ADAMTS17: variants seen among roughly 807,000 people sequenced by gnomAD.
ADAMTS17 encodes A disintegrin and metalloproteinase with thrombospondin motifs 17.
ADAMTS17 carries 113 observed loss-of-function variants against 141.5 expected under a neutral mutation model. The ratio of observed to expected loss-of-function variants is 0.80; its 90% confidence interval spans 0.69 to 0.93. The LOEUF (loss-of-function observed/expected upper bound fraction) is 0.93. Among genes scored for constraint, ADAMTS17 ranks in the 40% least tolerant of loss-of-function variants. The probability of loss-of-function intolerance (pLI) is 0.00; values close to 1 mark genes in which losing one functional copy is unlikely to be tolerated. For synonymous variants in ADAMTS17, 768 were observed against 630.6 expected (o/e 1.22, Z -3.27); for missense variants, 1,659 against 1,517.9 (o/e 1.09, Z -1.54).
intron 15 of ADAMTS17, among the ~76,000 whole-genome samples, chr15:100,062,403 T>C (rs1567109703): frequency 6.6e-6 from 1 of 152,304 alleles, no homozygotes; most frequent in Non-Finnish European, 1.5e-5. Context: ...GAAATGGGCA[T>C]GCCTGCCTTC....
intron 7 of ADAMTS17, among the ~76,000 whole-genome samples, chr15:100,207,891 T>C (rs2041639716): frequency 6.6e-6 from 1 of 152,110 alleles, no homozygotes; most frequent in Admixed American, 6.6e-5. Context: ...TGCAGGAGAC[T>C]CCCTGGAAAT....
At chr15:100,142,192 G>C (rs2038688022) in intron 10 of ADAMTS17, among the ~76,000 whole-genome samples, 1 of 152,200 alleles carries the variant, frequency 6.6e-6, no homozygotes, top group Non-Finnish European at 1.5e-5. Flanking sequence ...AAAATAACTG[G>C]CATCAGAGGA....
intron 4 of ADAMTS17, among the ~76,000 whole-genome samples, chr15:100,264,852 T>C (rs889871688): frequency 6.6e-6 from 1 of 151,918 alleles, no homozygotes; most frequent in African/African-American, 2.4e-5. Context: ...GGGTACAGAG[T>C]TTCCGTTTTG....
chr15:100,302,926 C>T (rs1255686178), intron 3 of ADAMTS17, among the ~76,000 whole-genome samples: 1 of 151,944 alleles, frequency 6.6e-6, no homozygotes, highest in Non-Finnish European at 1.5e-5. Flanking sequence ...ACTGGCCTGG[C>T]CTCCCAGCCT....
intron 4 of ADAMTS17, among the ~76,000 whole-genome samples, chr15:100,264,526 A>G (rs1209671793): frequency 1.3e-5 from 2 of 152,222 alleles, no homozygotes; most frequent in African/African-American, 4.8e-5. Flanking sequence ...AAGGAATACT[A>G]CAGATTTAAA....
intron 10 of ADAMTS17, among the ~76,000 whole-genome samples, chr15:100,136,378 C>T (rs1377786545): frequency 6.6e-6 from 1 of 152,208 alleles, no homozygotes; most frequent in Non-Finnish European, 1.5e-5. Context: ...CTCATCCAAG[C>T]TTGGCCACCA....
At chr15:100,035,438 C>A (rs930014186) in intron 18 of ADAMTS17, among the ~76,000 whole-genome samples, 1 of 152,156 alleles carries the variant, frequency 6.6e-6, no homozygotes, top group Non-Finnish European at 1.5e-5. Flanking sequence ...ATCCTGGCCA[C>A]GACTTTGGTT....
In ADAMTS17 at chr15:100,139,021, T is replaced by G. The variant is rs144206097; in HGVS notation, c.1474-5706A>C. ...GGGGTATTTTGGGCGATGGACCTGT[T>G]TTGCAAATTGATTGGTTATATAACT... On this transcript the variant is annotated intron_variant, in intron 10 of 21. Coordinates refer to ENST00000268070, the MANE Select transcript of ADAMTS17 (RefSeq NM_139057.4). Among the ~76,000 whole-genome samples, 1,277 of 152,286 alleles carry G rather than the reference T, an allele frequency of 8.4e-3. 17 individuals carry two copies. Among genetic ancestry groups the G allele is most frequent in the African/African-American group, 0.029 (1,194 of 41,554 alleles).
rs879493378 is a variant in ADAMTS17, at chr15:100,102,304, CCGACCGAAGGGGATCTACATT to C, written c.2017-5849_2017-5829del. Among the ~76,000 whole-genome samples, 41 of 150,452 alleles carry C rather than the reference CCGACCGAAGGGGATCTACATT, an allele frequency of 2.7e-4. 2 individuals carry two copies. The highest frequency in any genetic ancestry group is 3.4e-3 in the Middle Eastern group (1 of 292). Reference sequence around the variant, plus strand: ...ACCGAAGGAGATCTACATTTGAGGGCCGACCGAAGGGGATCTACATTTGAGGGCCGACCGAAGGGGATCTAC... The same window carrying C: ...ACCGAAGGAGATCTACATTTGAGGGCTGAGGGCCGACCGAAGGGGATCTAC... On this transcript the variant is annotated intron_variant, in intron 14 of 21. Coordinates refer to ENST00000268070, the MANE Select transcript of ADAMTS17 (RefSeq NM_139057.4).
intron 18 of ADAMTS17, among the ~76,000 whole-genome samples, chr15:100,028,965 T>C (rs2029876906): frequency 6.6e-6 from 1 of 152,250 alleles, no homozygotes; most frequent in African/African-American, 2.4e-5. Flanking sequence ...AAAGTTATCT[T>C]TGTCAAACCT....
intron 7 of ADAMTS17, among the ~76,000 whole-genome samples, chr15:100,203,014 A>G (rs1223586897): frequency 1.3e-5 from 2 of 152,220 alleles, no homozygotes; most frequent in African/African-American, 2.4e-5. Context: ...ACATGTTTGC[A>G]TAGTTTCTCG....
Position 100,051,714 on chromosome 15 carries a change from G to T in ADAMTS17, c.2313C>A (p.Asp771Glu), listed in dbSNP as rs548439088. ...ATTCATAATGAATTCCATAATCTTGGTCGTGAAATAACAACACCTGGATCA... is the reference window on the plus strand; with the variant it reads ...ATTCATAATGAATTCCATAATCTTGTTCGTGAAATAACAACACCTGGATCA... ...PLHLMVLLFH[D>E]QDYGIHYEYT... Residue 771 changes from aspartate to glutamate, a missense_variant, in exon 17 of 22, where the codon GAC becomes GAA. Coordinates refer to ENST00000268070, the MANE Select transcript of ADAMTS17 (RefSeq NM_139057.4). 6.2e-7 allele frequency: 1 copy of T among 1,614,174 alleles called. No individual in the cohort carries two copies. The highest frequency in any genetic ancestry group is 1.1e-5 in the South Asian group (1 of 91,082).
At chr15:99,977,262 G>A (rs1484806504) in intron 20 of ADAMTS17, among the ~76,000 whole-genome samples, 1 of 148,378 alleles carries the variant, frequency 6.7e-6, no homozygotes, top group East Asian at 2.0e-4. Context: ...GCTAAAACCT[G>A]GTCAACATAG....
intron 7 of ADAMTS17, among the ~76,000 whole-genome samples, chr15:100,216,456 C>T (rs1385558236): frequency 2.0e-5 from 3 of 152,208 alleles, no homozygotes; most frequent in Non-Finnish European, 4.4e-5. Flanking sequence ...ACTGGGAAAA[C>T]ACCACCTTCA....
Position 99,974,577 on chromosome 15 carries a change from G to A in ADAMTS17, c.3128-15C>T, listed in dbSNP as rs369581271. The stretch of plus-strand genomic sequence containing the variant: ...GGTCAGAGCAGCTAAGGGGATAGGA[G>A]AGAGAATACCCAGGGTCAGGGATGG... On this transcript the variant is annotated splice_polypyrimidine_tract_variant and intron_variant, in intron 21 of 21. Coordinates refer to ENST00000268070, the MANE Select transcript of ADAMTS17 (RefSeq NM_139057.4). 5.6e-5 allele frequency: 91 copies of A among 1,614,202 alleles called. 1 individual carries two copies. In the Middle Eastern group the frequency reaches 6.6e-4, roughly 12 times the overall value.
chr15:100,074,174 G>T (rs1202421447), intron 15 of ADAMTS17: 1 of 153,024 alleles, frequency 6.5e-6, no homozygotes. Context: ...CACATTTGGG[G>T]CGGTGCGGCC....
At chr15:100,188,208 C>T (rs1301112519) in intron 8 of ADAMTS17, among the ~76,000 whole-genome samples, 1 of 152,036 alleles carries the variant, frequency 6.6e-6, no homozygotes, top group Admixed American at 6.5e-5. Flanking sequence ...TCCCAAGTAG[C>T]TGGAATTACA....
chr15:100,268,108 T>C (rs1209301724), intron 4 of ADAMTS17, among the ~76,000 whole-genome samples: 3 of 144,986 alleles, frequency 2.1e-5, no homozygotes, highest in African/African-American at 7.7e-5. Context: ...GCTGTATCCA[T>C]GTTGCTGCAA....
At chr15:100,204,496 G>A (rs556765653) in intron 7 of ADAMTS17, among the ~76,000 whole-genome samples, 18 of 152,336 alleles carry the variant, frequency 1.2e-4, no homozygotes, top group African/African-American at 4.3e-4. Context: ...AAACCTAAGT[G>A]GATGTGGGTG....
Sources: gnomAD v4.1 joint callset for allele counts (sites outside exome capture counted in the v4.1 genomes callset) on GRCh38, gnomAD v4.1.1 for gene constraint, MANE v1.5 for transcripts, NCBI Gene and HGNC (gene_info 2026-07-23, HGNC 2026-07-21) for gene names.